The following GPC5 variants were observed in gnomAD, a reference collection of about 807,000 sequenced individuals.
GPC5 encodes glypican-5.
Under a neutral mutation model 53.9 loss-of-function variants are expected in GPC5, and 47 were observed. The observed-to-expected ratio is 0.87, with a 90% CI of 0.69 to 1.11. The LOEUF (loss-of-function observed/expected upper bound fraction) is 1.11, where lower values mean the gene tolerates loss of function less well. Among genes scored for constraint, GPC5 ranks in the 50% most tolerant of loss-of-function variants. The probability of loss-of-function intolerance (pLI) is 0.00; values close to 1 mark genes in which losing one functional copy is unlikely to be tolerated. For synonymous variants in GPC5, 286 were observed against 263.3 expected, an observed-to-expected ratio of 1.09 and a Z score of -0.84; for missense variants, 748 against 713.1, an observed-to-expected ratio of 1.05 and a Z score of -0.56.
chr13:92,848,534 T>A (rs1456229208), intron 7 of GPC5, among the ~76,000 whole-genome samples: 1 of 147,990 alleles, frequency 6.8e-6, no homozygotes, highest in East Asian at 1.9e-4. Flanking sequence ...ATAAACATAA[T>A]TGCAACTTTA....
At position 92,468,692 on chromosome 13, in the gene GPC5, T is replaced by C. The variant is rs1878796335; in HGVS notation, c.1561+323703T>C. Reference sequence around the variant, plus strand: ...AATGAAACACACACAAACACACACATACAGGCCATGTGTTTTTAGATGGAA... The same window carrying C: ...AATGAAACACACACAAACACACACACACAGGCCATGTGTTTTTAGATGGAA... On this transcript the variant is annotated intron_variant, in intron 7 of 7. Transcript: ENST00000377067. 2.6e-5 allele frequency among the ~76,000 whole-genome samples: 4 copies of C among 152,098 alleles called. No homozygotes were observed. The South Asian group carries it at 8.3e-4, about 31-fold the overall frequency.
chr13:92,806,165 C>T (rs1354439921), intron 7 of GPC5, among the ~76,000 whole-genome samples: 2 of 152,116 alleles, frequency 1.3e-5, no homozygotes, highest in African/African-American at 2.4e-5. Context: ...TCAGCACTTG[C>T]TGCTTCAACC....
chr13:91,604,645 C>T (rs1303709418), intron 2 of GPC5, among the ~76,000 whole-genome samples: 11 of 142,280 alleles, frequency 7.7e-5, no homozygotes, highest in African/African-American at 2.1e-4. Flanking sequence ...GATCGCCATT[C>T]GAACTGGTGT....
intron 7 of GPC5, among the ~76,000 whole-genome samples, chr13:92,644,202 T>C (rs1008340782): frequency 3.3e-5 from 5 of 152,180 alleles, no homozygotes; most frequent in South Asian, 2.1e-4. Flanking sequence ...CTATGTGTTT[T>C]TATTCATACA....
At chr13:92,742,424 A>G (rs1239876294) in intron 7 of GPC5, among the ~76,000 whole-genome samples, 1 of 151,932 alleles carries the variant, frequency 6.6e-6, no homozygotes, top group Non-Finnish European at 1.5e-5. Context: ...CCACTTTTTC[A>G]TGGGGTTGTT....
At chr13:92,571,514 A>G (rs1250929921) in intron 7 of GPC5, among the ~76,000 whole-genome samples, 2 of 152,160 alleles carry the variant, frequency 1.3e-5, no homozygotes. Flanking sequence ...ACCAGATTTC[A>G]TATAAATATG....
At chr13:91,523,021 G>A (rs1448656598) in intron 2 of GPC5, among the ~76,000 whole-genome samples, 2 of 152,132 alleles carry the variant, frequency 1.3e-5, no homozygotes, top group Non-Finnish European at 2.9e-5. Context: ...TCTTTCTGGT[G>A]TACAATAAAA....
At chr13:92,833,733 G>T (rs2138824283) in intron 7 of GPC5, among the ~76,000 whole-genome samples, 1 of 152,290 alleles carries the variant, frequency 6.6e-6, no homozygotes, top group Admixed American at 6.5e-5. Context: ...TAGACAAGGA[G>T]ATCACAGACA....
At chr13:91,892,629 A>G (rs1467244075) in intron 5 of GPC5, among the ~76,000 whole-genome samples, 3 of 151,734 alleles carry the variant, frequency 2.0e-5, no homozygotes, top group East Asian at 1.9e-4. Flanking sequence ...GATAAAAATT[A>G]TTATATAATT....
At chr13:91,630,412 C>T (rs1294698491) in intron 2 of GPC5, among the ~76,000 whole-genome samples, 1 of 152,118 alleles carries the variant, frequency 6.6e-6, no homozygotes, top group Non-Finnish European at 1.5e-5. Flanking sequence ...TTTTTCCCTC[C>T]CCATTCTACC....
At chr13:92,774,576 C>A (rs76535388) in intron 7 of GPC5, among the ~76,000 whole-genome samples, 7,792 of 152,214 alleles carry the variant, frequency 0.051, 311 homozygotes, top group African/African-American at 0.11. Flanking sequence ...AATGAACTGA[C>A]TGTATACCTA....
chr13:91,981,369 A>C (rs1478355644), intron 6 of GPC5, among the ~76,000 whole-genome samples: 3 of 151,360 alleles, frequency 2.0e-5, no homozygotes, highest in South Asian at 2.1e-4. Context: ...GGCTCACTGC[A>C]AGCTCCGCCT....
chr13:92,608,695 T>C (rs575145902), intron 7 of GPC5, among the ~76,000 whole-genome samples: 2 of 152,214 alleles, frequency 1.3e-5, no homozygotes, highest in South Asian at 2.1e-4. Flanking sequence ...CATGTTTGCA[T>C]GTGCGGAATC....
chr13:92,857,662 A>C (rs943056846), intron 7 of GPC5, among the ~76,000 whole-genome samples: 3 of 152,156 alleles, frequency 2.0e-5, no homozygotes, highest in Non-Finnish European at 4.4e-5. Flanking sequence ...GGCAAAGTAC[A>C]TGAAGAGACA....
At chr13:91,595,726 T>A (rs979667831) in intron 2 of GPC5, among the ~76,000 whole-genome samples, 2 of 152,242 alleles carry the variant, frequency 1.3e-5, no homozygotes, top group African/African-American at 4.8e-5. Flanking sequence ...CTTGTACAAC[T>A]CATTTTTCAG....
At chr13:92,310,872 C>A (rs576403227) in intron 7 of GPC5, among the ~76,000 whole-genome samples, 19 of 152,112 alleles carry the variant, frequency 1.2e-4, no homozygotes, top group African/African-American at 4.1e-4. Flanking sequence ...ATAAACATAG[C>A]ACTGATAATA....
intron 2 of GPC5, among the ~76,000 whole-genome samples, chr13:91,577,406 C>G (rs552392850): frequency 6.6e-6 from 1 of 152,286 alleles, no homozygotes; most frequent in South Asian, 2.1e-4. Context: ...CTTCCAGAGA[C>G]TCAGTAATGC....
intron 6 of GPC5, among the ~76,000 whole-genome samples, chr13:91,909,536 A>T (rs1476168412): frequency 1.3e-5 from 2 of 152,182 alleles, no homozygotes; most frequent in African/African-American, 4.8e-5. Context: ...GTAGTAAGGT[A>T]TATAAAATAT....
chr13:91,944,326 G>A (rs1170424939), intron 6 of GPC5, among the ~76,000 whole-genome samples: 3 of 152,084 alleles, frequency 2.0e-5, no homozygotes, highest in East Asian at 1.9e-4. Context: ...TCGATCTCCT[G>A]ACCTCGCGAT....
Sources: allele counts gnomAD v4.1 joint callset (sites outside exome capture counted in the v4.1 genomes callset), GRCh38; gene constraint gnomAD v4.1.1; transcripts MANE v1.5; gene names NCBI Gene and HGNC (gene_info 2026-07-23, HGNC 2026-07-21).